Variants in PTPRT observed in about 807,000 individuals in gnomAD.
The protein encoded by PTPRT is receptor-type tyrosine-protein phosphatase T.
In PTPRT, 56 loss-of-function variants were observed where a neutral mutation model predicts 176.8. The observed-to-expected ratio is 0.32, with a 90% CI of 0.26 to 0.40. The LOEUF (loss-of-function observed/expected upper bound fraction) is 0.40. PTPRT is among the 10% of genes least tolerant of loss of function. The probability of loss-of-function intolerance (pLI) is 1.00; values close to 1 mark genes in which losing one functional copy is unlikely to be tolerated. For missense variants in PTPRT, 1,540 were observed against 1,908.2 expected (o/e 0.81, Z 3.60); for synonymous variants, 783 against 739.0 (o/e 1.06, Z -0.96).
intron 1 of PTPRT, among the ~76,000 whole-genome samples, chr20:43,141,120 T>C (rs1312411664): frequency 6.6e-6 from 1 of 152,230 alleles, no homozygotes; most frequent in Non-Finnish European, 1.5e-5. Flanking sequence ...CAAAATCATT[T>C]ATAATTTTTT....
rs79768600 is a variant in PTPRT at position 42,101,323 on chromosome 20, C to A, written c.3714+801G>T. Reference sequence around the variant, plus strand: ...GGTGACCTTGAGCAAGTCTCTTTCTCTGTCTGGCCTCTGTTTTCTCTGCTG... The same window carrying A: ...GGTGACCTTGAGCAAGTCTCTTTCTATGTCTGGCCTCTGTTTTCTCTGCTG... On this transcript the variant is annotated intron_variant, in intron 26 of 30. Coordinates refer to ENST00000373187, the MANE Select transcript of PTPRT (RefSeq NM_007050.6). Among the ~76,000 whole-genome samples, 119 of 152,308 alleles carry A rather than the reference C, an allele frequency of 7.8e-4. 1 individual carries two copies. The East Asian group carries it at 0.02, about 26-fold the overall frequency.
intron 1 of PTPRT, among the ~76,000 whole-genome samples, chr20:43,091,879 A>G (rs2011893024): frequency 6.6e-6 from 1 of 152,166 alleles, no homozygotes; most frequent in Admixed American, 6.5e-5. Context: ...CTCACAAGAA[A>G]AGCAAATGAC....
chr20:42,657,302 G>A (rs1246806138), intron 7 of PTPRT, among the ~76,000 whole-genome samples: 1 of 152,100 alleles, frequency 6.6e-6, no homozygotes, highest in Non-Finnish European at 1.5e-5. Flanking sequence ...GTGTGAGGAC[G>A]GACTAATACA....
intron 1 of PTPRT, among the ~76,000 whole-genome samples, chr20:43,150,374 G>C (rs1404068781): frequency 6.6e-6 from 1 of 152,230 alleles, no homozygotes; most frequent in Non-Finnish European, 1.5e-5. Context: ...TCAGCCAGCT[G>C]CTGAAGCCTC....
In PTPRT at chr20:42,081,919, G is replaced by A. The variant is rs1174632543; in HGVS notation, c.4235C>T (p.Thr1412Ile). ...CATGTTGGATTTGTTGTTACGCAGT[G>A]TTTTCACGATGTGGAACACGTCAAT... ...NIIDVFHIVK[T>I]LRNNKSNMVE... The change falls in exon 30 of 31, where the codon ACA becomes ATA. Residue 1412 changes from threonine to isoleucine, a missense_variant. Coordinates refer to ENST00000373187, the MANE Select transcript of PTPRT (RefSeq NM_007050.6). 6.2e-7 allele frequency: 1 copy of A among 1,614,120 alleles called. No homozygotes were observed. The highest frequency in any genetic ancestry group is 1.7e-5 in the Admixed American group (1 of 60,010).
intron 1 of PTPRT, among the ~76,000 whole-genome samples, chr20:43,096,059 TCC>T (rs2012152932): frequency 1.3e-5 from 1 of 76,956 alleles, no homozygotes. Context: ...CCCACCTGCC[TCC>T]TCTCTCCCTC....
chr20:42,091,814 G>C (rs556559332), intron 27 of PTPRT, among the ~76,000 whole-genome samples: 1 of 152,138 alleles, frequency 6.6e-6, no homozygotes, highest in African/African-American at 2.4e-5. Context: ...AGGGGGGAGA[G>C]AGAGAGAGAT....
chr20:42,754,950 C>T lies in PTPRT; in HGVS notation c.859+1512G>A, dbSNP rs1035531526. Among the ~76,000 whole-genome samples the T allele has an allele frequency of 2.0e-5, 3 of 152,050 alleles. 1 individual carries two copies. Among genetic ancestry groups the T allele is most frequent in the Non-Finnish European group, 4.4e-5 (3 of 68,022 alleles). On this transcript the variant is annotated intron_variant, in intron 6 of 30. Coordinates refer to ENST00000373187, the MANE Select transcript of PTPRT (RefSeq NM_007050.6). ...TGCGCTGAGTGCAGGGACTTCCAAC[C>T]CAGCAGACAGCCCTCCTCTCACAGA...
chr20:42,168,822 G>T (rs1432171279), intron 16 of PTPRT, among the ~76,000 whole-genome samples: 2 of 152,152 alleles, frequency 1.3e-5, no homozygotes, highest in Admixed American at 6.5e-5. Context: ...ACTAGCATAG[G>T]TGTATGAGAT....
intron 1 of PTPRT, among the ~76,000 whole-genome samples, chr20:43,016,381 A>T (rs1985372355): frequency 1.3e-5 from 2 of 150,172 alleles, no homozygotes; most frequent in Non-Finnish European, 3.0e-5. Flanking sequence ...TCCCTCTGTT[A>T]CTTCCCTCTG....
Position 42,438,320 on chromosome 20 carries a change from C to A in PTPRT, c.1560+9900G>T, listed in dbSNP as rs140667732. 2.4e-3 allele frequency among the ~76,000 whole-genome samples: 364 copies of A among 152,218 alleles called. 1 individual carries two copies. Among genetic ancestry groups the A allele is most frequent in the African/African-American group, 8.4e-3 (348 of 41,528 alleles). ...TTTTTCTTTAGCAAAACTCTGGAGA[C>A]AAATTATGGCAGACGTTCATGTTAA... On this transcript the variant is annotated intron_variant, in intron 9 of 30. Coordinates refer to ENST00000373187, the MANE Select transcript of PTPRT (RefSeq NM_007050.6).
intron 1 of PTPRT, among the ~76,000 whole-genome samples, chr20:42,921,900 C>G (rs1354663274): frequency 6.6e-6 from 1 of 152,156 alleles, no homozygotes; most frequent in East Asian, 1.9e-4. Flanking sequence ...CTCCCTCCTC[C>G]TTTCTCAGAT....
chr20:42,271,806 C>T (rs534343879), intron 13 of PTPRT, among the ~76,000 whole-genome samples: 1 of 152,132 alleles, frequency 6.6e-6, no homozygotes, highest in Admixed American at 6.6e-5. Flanking sequence ...GCAGCTTTCT[C>T]CAGTGATCCA....
intron 7 of PTPRT, among the ~76,000 whole-genome samples, chr20:42,474,807 C>T (rs952999797): frequency 3.3e-5 from 5 of 152,120 alleles, no homozygotes; most frequent in Admixed American, 6.5e-5. Context: ...CTAGCTGGGG[C>T]CTGTCCACTT....
chr20:42,244,753 C>T (rs2056419620), intron 14 of PTPRT, among the ~76,000 whole-genome samples: 1 of 152,200 alleles, frequency 6.6e-6, no homozygotes, highest in South Asian at 2.1e-4. Flanking sequence ...GCTCCACAAA[C>T]AAACATTGAA....
intron 9 of PTPRT, among the ~76,000 whole-genome samples, chr20:42,421,260 GCACGCACACACACACACGCATGCA>G (rs1215527971): frequency 7.6e-6 from 1 of 131,042 alleles, no homozygotes; most frequent in African/African-American, 2.9e-5. Flanking sequence ...ACACACGCAC[GCACGCACACACACACACGCATGCA>G]CACACACACA....
chr20:42,222,445 T>C (rs2055907419), intron 15 of PTPRT, among the ~76,000 whole-genome samples: 1 of 152,164 alleles, frequency 6.6e-6, no homozygotes, highest in Admixed American at 6.5e-5. Flanking sequence ...AGGCCTCAGG[T>C]GATACACCCT....
the PTPRT span, among the ~76,000 whole-genome samples, chr20:42,044,718 AG>A: frequency 1.3e-5 from 2 of 152,210 alleles, no homozygotes; most frequent in African/African-American, 4.8e-5. Flanking sequence ...CCAATGAGAG[AG>A]GTATTCGCTT....
intron 7 of PTPRT, among the ~76,000 whole-genome samples, chr20:42,585,614 TTAAA>T (rs2073457792): frequency 6.6e-6 from 1 of 152,196 alleles, no homozygotes; most frequent in South Asian, 2.1e-4. Context: ...ACATTGTTTA[TTAAA>T]TTCCTACAGC....
Sources: gnomAD v4.1 joint callset for allele counts (sites outside exome capture counted in the v4.1 genomes callset) on GRCh38, gnomAD v4.1.1 for gene constraint, MANE v1.5 for transcripts, NCBI Gene and HGNC (gene_info 2026-07-23, HGNC 2026-07-21) for gene names.